DSC2: variants seen among roughly 807,000 people sequenced by gnomAD.
The protein encoded by DSC2 is desmocollin 2, also known as desmocollin-2.
Under a neutral mutation model 87.6 loss-of-function variants are expected in DSC2, and 51 were observed. The ratio of observed to expected loss-of-function variants is 0.58; its 90% confidence interval spans 0.46 to 0.74. The LOEUF (loss-of-function observed/expected upper bound fraction) is 0.74. Among genes scored for constraint, DSC2 ranks in the 30% least tolerant of loss-of-function variants. The pLI, the probability that DSC2 is intolerant of heterozygous loss-of-function variation, is 0.00. For synonymous variants in DSC2, 383 were observed against 393.2 expected (o/e 0.97, Z 0.31); for missense variants, 1,066 against 1,089.5 (o/e 0.98, Z 0.30).
chr18:31,077,107 A>G (rs983240996), intron 11 of DSC2, among the ~76,000 whole-genome samples: 1 of 152,234 alleles, frequency 6.6e-6, no homozygotes, highest in Non-Finnish European at 1.5e-5. Flanking sequence ...CAAGAAGAAA[A>G]AAGAGCTAGG....
At chr18:31,071,551 T>C in intron 13 of DSC2, 54 bp downstream of exon 13, 2 of 1,557,744 alleles carry the variant, frequency 1.3e-6, no homozygotes, top group Middle Eastern at 1.7e-4. Flanking sequence ...AAAAGTGTCT[T>C]GAAAGTTACT....
Position 31,060,204 on chromosome 18 carries a change from T to C in DSC2, c.*7811A>G, listed in dbSNP as rs1260661165. On this transcript the variant is annotated 3_prime_UTR_variant, in exon 16 of 16. Coordinates refer to ENST00000280904, the MANE Select transcript of DSC2 (RefSeq NM_024422.6). ...TTTAATGCCACTGAGACAAACATCC[T>C]TGCATGTGAGTAGAATCTTTACACT... is the stretch of plus-strand genomic sequence containing the variant. 1 of 152,214 alleles carries C rather than the reference T, an allele frequency of 6.6e-6. No individual in the cohort carries two copies. Among genetic ancestry groups the C allele is most frequent in the East Asian group, 1.9e-4 (1 of 5,194 alleles). 9.4% of individuals were successfully genotyped at this position (152,214 alleles called of 1,614,324 possible). A position where few individuals can be genotyped will look rare whatever the true frequency, so the allele number is the denominator to read the frequency against.
rs762627642 is a variant in DSC2 at position 31,068,940 on chromosome 18, T to C, written c.2462A>G (p.Tyr821Cys). The C allele has an allele frequency of 6.2e-7, 1 of 1,614,004 alleles. No individual in the cohort carries two copies. Among genetic ancestry groups the C allele is most frequent in the Admixed American group, 1.7e-5 (1 of 60,004 alleles). The change falls in exon 15 of 16, where the codon TAC (tyrosine) becomes TGC (cysteine). Residue 821 changes from tyrosine to cysteine, a missense_variant. Physicochemically the swap from Tyr to Cys is radical, Grantham distance 194 (BLOSUM62 -2). Coordinates refer to ENST00000280904, the MANE Select transcript of DSC2 (RefSeq NM_024422.6). The stretch of plus-strand genomic sequence containing the variant: ...AAAACTGTGCCACTCCGAGTAAGTG[T>C]ATCTGCAGTTGTCCACCTCCGTGTG... ...GGHTEVDNCR[Y>C]TYSEWHSFTQ... is the part of the protein sequence containing the mutation.
intron 1 of DSC2, among the ~76,000 whole-genome samples, chr18:31,095,460 T>C (rs980382306): frequency 6.6e-6 from 1 of 152,242 alleles, no homozygotes; most frequent in South Asian, 2.1e-4. Context: ...CTACTAGTTA[T>C]GTGGAAAATA....
intron 13 of DSC2, 126 bp downstream of exon 13, chr18:31,071,479 G>C (rs1266027819): frequency 1.2e-6 from 1 of 828,596 alleles, no homozygotes; most frequent in Non-Finnish European, 2.1e-6. Flanking sequence ...TCCAGAGGCA[G>C]AGTCTGCAGT....
At chr18:31,083,792 A>AT (rs932701388) in intron 7 of DSC2, among the ~76,000 whole-genome samples, 20 of 152,326 alleles carry the variant, frequency 1.3e-4, no homozygotes, top group African/African-American at 4.8e-4. Context: ...CTTAAAAAAT[A>AT]TTTTTAAACA....
At position 31,092,273 on chromosome 18, in the gene DSC2, G is replaced by C. The variant is rs758707293; in HGVS notation, c.182C>G (p.Ala61Gly). 1 of 1,613,646 alleles carries C rather than the reference G, an allele frequency of 6.2e-7. No homozygotes were observed. The highest frequency in any genetic ancestry group is 1.7e-5 in the Admixed American group (1 of 60,008). Residue 61 changes from alanine to glycine, a missense_variant, in exon 3 of 16, where the codon GCA (alanine) becomes GGA (glycine). Coordinates refer to ENST00000280904, the MANE Select transcript of DSC2 (RefSeq NM_024422.6). The stretch of plus-strand genomic sequence containing the variant: ...AGGATCACTTGAATGAATTAGATTT[G>C]CAGCTGTAAAGCACTCTTTCAGGTT... The part of the protein sequence containing the change: ...RVNLKECFTA[A>G]NLIHSSDPDF...
chr18:31,089,318 G>A (rs183850575), intron 5 of DSC2, 121 bp downstream of exon 5: 868 of 1,051,016 alleles, frequency 8.3e-4, no homozygotes, highest in Non-Finnish European at 1.0e-3. Context: ...GTGCTATTAG[G>A]GAGTAGCCAG....
intron 1 of DSC2, among the ~76,000 whole-genome samples, chr18:31,097,592 T>C (rs540283165): frequency 2.6e-4 from 39 of 151,936 alleles, no homozygotes; most frequent in Admixed American, 4.6e-4. Context: ...GAAAATTATT[T>C]TTTAAAAAGC....
chr18:31,094,058 A>C (rs1015143251), intron 1 of DSC2, among the ~76,000 whole-genome samples: 1 of 152,108 alleles, frequency 6.6e-6, no homozygotes, highest in Non-Finnish European at 1.5e-5. Context: ...ATATTGTAAA[A>C]CGTATGTAAT....
intron 1 of DSC2, among the ~76,000 whole-genome samples, chr18:31,095,808 G>A (rs1453516931): frequency 1.3e-5 from 2 of 152,034 alleles, no homozygotes; most frequent in Admixed American, 1.3e-4. Context: ...GGAGAGCAGA[G>A]GTAATAGTGA....
At chr18:31,101,683 C>G (rs917935138) in intron 1 of DSC2, 1 of 564,976 alleles carries the variant, frequency 1.8e-6, no homozygotes, top group Non-Finnish European at 3.1e-6. Context: ...ATTACATCTA[C>G]CGGAGACACC....
intron 11 of DSC2, among the ~76,000 whole-genome samples, chr18:31,077,065 T>G (rs891201288): frequency 6.6e-6 from 1 of 151,594 alleles, no homozygotes; most frequent in South Asian, 2.1e-4. Context: ...CATTCCACAA[T>G]TGAAAAAAAT....
At chr18:31,080,640 G>C (rs1174561560) in intron 9 of DSC2, among the ~76,000 whole-genome samples, 1 of 152,112 alleles carries the variant, frequency 6.6e-6, no homozygotes, top group African/African-American at 2.4e-5. Context: ...CACAAGATCT[G>C]GTTGTTCAAA....
chr18:31,100,892 C>G (rs1330034044), intron 1 of DSC2, among the ~76,000 whole-genome samples: 1 of 152,132 alleles, frequency 6.6e-6, no homozygotes, highest in Non-Finnish European at 1.5e-5. Flanking sequence ...CCCAATTCCC[C>G]AGACGCTGCT....
intron 11 of DSC2, among the ~76,000 whole-genome samples, chr18:31,076,315 C>T (rs1394184896): frequency 1.3e-5 from 2 of 151,986 alleles, no homozygotes; most frequent in East Asian, 1.9e-4. Context: ...AGAGAAAGAG[C>T]AGGTGAAGGC....
chr18:31,066,659 C>T lies in DSC2; in HGVS notation c.*1356G>A, dbSNP rs1986629320. 3 of 151,990 alleles carry T rather than the reference C, an allele frequency of 2.0e-5. No homozygotes were observed. Among genetic ancestry groups the T allele is most frequent in the Admixed American group, 2.0e-4 (3 of 15,268 alleles). The allele number at this position is 151,990 out of a possible 1,614,324, so 9.4% of individuals were successfully genotyped here. ...TCATTGACTAAAATAAGTCATGAAA[C>T]ATGGACTGGAATTTTGTGAGCTATT... On this transcript the variant is annotated 3_prime_UTR_variant, in exon 16 of 16. Coordinates refer to ENST00000280904, the MANE Select transcript of DSC2 (RefSeq NM_024422.6).
Position 31,080,233 on chromosome 18 carries a change from A to G in DSC2, c.1383T>C (p.Asn461=), listed in dbSNP as rs1486285397. 1.9e-6 allele frequency: 3 copies of G among 1,614,066 alleles called. No individual in the cohort carries two copies. Among genetic ancestry groups the G allele is most frequent in the South Asian group, 2.2e-5 (2 of 91,084 alleles). The change falls in exon 10 of 16, where the codon AAT becomes AAC. Residue 461 remains asparagine (N), a synonymous_variant. Coordinates refer to ENST00000280904, the MANE Select transcript of DSC2 (RefSeq NM_024422.6). Reference sequence around the variant, plus strand: ...CAGGGCCCTCATCCTGATCTTCTACATTAACAGTAACTGTTGCTGTGCTCA... The same window carrying G: ...CAGGGCCCTCATCCTGATCTTCTACGTTAACAGTAACTGTTGCTGTGCTCA... ...SAMSTATVTV[N]VEDQDEGPEC...
At position 31,066,700 on chromosome 18, in the gene DSC2, T is replaced by C. The variant is rs1263558577; in HGVS notation, c.*1315A>G. On this transcript the variant is annotated 3_prime_UTR_variant, in exon 16 of 16. Transcript: ENST00000280904. ...GTGAGCTATTAAGTTTCATTTTGTT[T>C]TACTGTTTTAAAATTTAAATAGTTT... is the stretch of plus-strand genomic sequence containing the variant. The C allele has an allele frequency of 6.6e-6, 1 of 152,168 alleles. No homozygotes were observed. Among genetic ancestry groups the C allele is most frequent in the Admixed American group, 6.5e-5 (1 of 15,276 alleles). 9.4% of individuals were successfully genotyped at this position (152,168 alleles called of 1,614,324 possible).
Sources: allele counts gnomAD v4.1 joint callset (sites outside exome capture counted in the v4.1 genomes callset), GRCh38; gene constraint gnomAD v4.1.1; transcripts MANE v1.5; gene names NCBI Gene and HGNC (gene_info 2026-07-23, HGNC 2026-07-21).